Variants in MMP16 observed in about 807,000 individuals in gnomAD.
The protein encoded by MMP16 is matrix metallopeptidase 16, also known as matrix metalloproteinase-16.
In MMP16, 12 loss-of-function variants were observed where a neutral mutation model predicts 67.8. The ratio of observed to expected loss-of-function variants is 0.18; its 90% CI spans 0.11 to 0.29. The LOEUF (loss-of-function observed/expected upper bound fraction) is 0.29, where lower values mean the gene tolerates loss of function less well. MMP16 is among the 10% of genes least tolerant of loss of function. The pLI, the probability that MMP16 is intolerant of heterozygous loss-of-function variation, is 1.00. For missense variants in MMP16, 475 were observed against 765.7 expected (o/e 0.62, Z 4.48); for synonymous variants, 249 against 255.9 (o/e 0.97, Z 0.26).
intron 1 of MMP16, among the ~76,000 whole-genome samples, chr8:88,269,919 A>C (rs1308886323): frequency 6.6e-6 from 1 of 152,226 alleles, no homozygotes; most frequent in African/African-American, 2.4e-5. Context: ...AGATTCAATA[A>C]TACTAAAATA....
chr8:88,254,609 G>T (rs992125308), intron 1 of MMP16, among the ~76,000 whole-genome samples: 1 of 151,970 alleles, frequency 6.6e-6, no homozygotes, highest in African/African-American at 2.4e-5. Flanking sequence ...AAAATGTAAA[G>T]ATAACAAATA....
chr8:88,198,657 C>T (rs1809294111), intron 1 of MMP16, among the ~76,000 whole-genome samples: 1 of 151,760 alleles, frequency 6.6e-6, no homozygotes, highest in Admixed American at 6.6e-5. Context: ...ATGGTATTTC[C>T]AAAAACTGAC....
rs148272717 is a variant in MMP16 at position 88,181,559 on chromosome 8, G to C, written c.404+4917C>G. Among the ~76,000 whole-genome samples the C allele has an allele frequency of 2.3e-3, 344 of 151,046 alleles. 2 individuals are homozygous for C. Among genetic ancestry groups the C allele is most frequent in the Admixed American group, 2.4e-3 (36 of 15,162 alleles). Reference sequence around the variant, plus strand: ...ATAGGAAGATATCCATTTCCTAGATGAACTATATTTTATATATTTAATATA... The same window carrying C: ...ATAGGAAGATATCCATTTCCTAGATCAACTATATTTTATATATTTAATATA... On this transcript the variant is annotated intron_variant, in intron 3 of 9. Transcript: ENST00000286614.
At position 88,154,435 on chromosome 8, in the gene MMP16, T is replaced by C. The variant is rs58549378; in HGVS notation, c.709+13234A>G. On this transcript the variant is annotated intron_variant, in intron 4 of 9. Transcript: ENST00000286614. The stretch of plus-strand genomic sequence containing the variant: ...ATGCACACGTATGTTTATTGCGGCA[T>C]TATTCACAATAGCAAAGACTTGGAA... Among the ~76,000 whole-genome samples the C allele has an allele frequency of 7.0e-3, 981 of 141,140 alleles. 3 individuals are homozygous for C. Among genetic ancestry groups the C allele is most frequent in the African/African-American group, 0.024 (885 of 37,626 alleles). 92.6% of individuals were successfully genotyped at this position (141,140 alleles called of 152,430 possible). A position where few individuals can be genotyped will look rare whatever the true frequency, so the allele number is the denominator to read the frequency against.
intron 1 of MMP16, among the ~76,000 whole-genome samples, chr8:88,283,440 A>C (rs1361999121): frequency 6.6e-6 from 1 of 152,198 alleles, no homozygotes; most frequent in African/African-American, 2.4e-5. Flanking sequence ...GAGTATAAAA[A>C]TAAAAACAGA....
intron 4 of MMP16, among the ~76,000 whole-genome samples, chr8:88,148,878 C>T (rs888775290): frequency 3.3e-5 from 5 of 152,194 alleles, no homozygotes; most frequent in Admixed American, 3.3e-4. Flanking sequence ...CGAATAGGAA[C>T]AGCTCCGGTC....
intron 7 of MMP16, among the ~76,000 whole-genome samples, chr8:88,072,712 C>T (rs1040383824): frequency 6.6e-6 from 1 of 152,116 alleles, no homozygotes; most frequent in Admixed American, 6.6e-5. Context: ...CTACTATGCA[C>T]CCAACACTTT....
chr8:88,097,160 A>G (rs76544198), intron 6 of MMP16, among the ~76,000 whole-genome samples: 11,248 of 152,032 alleles, frequency 0.074, 428 homozygotes, highest in South Asian at 0.1. Context: ...AAGAGTTTTC[A>G]TAAACTCAAT....
chr8:88,191,760 A>G lies in MMP16; in HGVS notation c.282-5162T>C, dbSNP rs1380328297. On this transcript the variant is annotated intron_variant, in intron 2 of 9. Coordinates refer to ENST00000286614, the MANE Select transcript of MMP16 (RefSeq NM_005941.5). ...AATAAGTTGGGCATTCATGCCAAAC[A>G]CATAAGGCCACTCACTGCATGACTC... Among the ~76,000 whole-genome samples, 5 of 152,338 alleles carry G rather than the reference A, an allele frequency of 3.3e-5. No homozygotes were observed. In the Middle Eastern group the frequency reaches 0.01, roughly 311 times the overall value.
At chr8:88,105,504 C>A (rs1473934707) in intron 6 of MMP16, among the ~76,000 whole-genome samples, 1 of 151,402 alleles carries the variant, frequency 6.6e-6, no homozygotes, top group Non-Finnish European at 1.5e-5. Flanking sequence ...ATATAATGTT[C>A]TGAAACTGCA....
intron 1 of MMP16, among the ~76,000 whole-genome samples, chr8:88,248,198 G>C (rs910463000): frequency 6.6e-6 from 1 of 151,840 alleles, no homozygotes; most frequent in African/African-American, 2.4e-5. Context: ...CTACAGCATG[G>C]GATGCAAAAT....
At chr8:88,235,300 G>A (rs1410778562) in intron 1 of MMP16, among the ~76,000 whole-genome samples, 1 of 150,924 alleles carries the variant, frequency 6.6e-6, no homozygotes, top group African/African-American at 2.4e-5. Flanking sequence ...GCAGAGGCAG[G>A]AGAATCGCTT....
intron 7 of MMP16, among the ~76,000 whole-genome samples, chr8:88,071,139 C>T (rs953510296): frequency 2.0e-5 from 3 of 151,988 alleles, no homozygotes; most frequent in Non-Finnish European, 4.4e-5. Flanking sequence ...ATCTAAATTA[C>T]ACCAAAATAT....
At chr8:88,214,065 C>T (rs1414019431) in intron 1 of MMP16, among the ~76,000 whole-genome samples, 1 of 152,100 alleles carries the variant, frequency 6.6e-6, no homozygotes, top group Non-Finnish European at 1.5e-5. Context: ...ATGGCAATAA[C>T]AACAAAAGCA....
chr8:88,263,352 T>G, intron 1 of MMP16, among the ~76,000 whole-genome samples: 1 of 152,160 alleles, frequency 6.6e-6, no homozygotes, highest in East Asian at 1.9e-4. Flanking sequence ...TATAAACTGT[T>G]CTGGCTGATT....
chr8:88,100,925 C>A (rs62525936), intron 6 of MMP16, among the ~76,000 whole-genome samples: 27,523 of 148,164 alleles, frequency 0.19, 2,944 homozygotes, highest in Middle Eastern at 0.27. Context: ...GGAATTGAAC[C>A]ATGAGAACAC....
At chr8:88,066,628 C>G (rs1808466879) in intron 7 of MMP16, among the ~76,000 whole-genome samples, 1 of 147,992 alleles carries the variant, frequency 6.8e-6, no homozygotes, top group African/African-American at 2.7e-5. Flanking sequence ...GTTTGTACAT[C>G]TACACTCTCA....
intron 1 of MMP16, among the ~76,000 whole-genome samples, chr8:88,291,401 C>T (rs565813592): frequency 6.6e-6 from 1 of 152,258 alleles, no homozygotes; most frequent in African/African-American, 2.4e-5. Context: ...ATAGAATACC[C>T]TTGTGTGACA....
chr8:88,291,729 TA>T (rs1810928632), intron 1 of MMP16, among the ~76,000 whole-genome samples: 1 of 152,222 alleles, frequency 6.6e-6, no homozygotes. Flanking sequence ...TTTTGTAGAA[TA>T]ACGATTAGTA....
Sources: gnomAD v4.1 joint callset for allele counts (sites outside exome capture counted in the v4.1 genomes callset) on GRCh38, gnomAD v4.1.1 for gene constraint, MANE v1.5 for transcripts, NCBI Gene and HGNC (gene_info 2026-07-23, HGNC 2026-07-21) for gene names.